Variants in DNAH9 observed in about 807,000 individuals in gnomAD.
DNAH9 encodes DNAH9 variant protein.
In DNAH9, 345 loss-of-function variants were observed where a neutral mutation model predicts 471.6. The ratio of observed to expected loss-of-function variants is 0.73; its 90% CI spans 0.67 to 0.80. The LOEUF is 0.80. Among genes scored for constraint, DNAH9 ranks in the 30% least tolerant of loss-of-function variants. The pLI, the probability that DNAH9 is intolerant of heterozygous loss-of-function variation, is 0.00. For missense variants in DNAH9, 5,407 were observed against 5,609.2 expected (o/e 0.96, Z 1.15); for synonymous variants, 2,093 against 2,123.6 (o/e 0.99, Z 0.40).
intron 61 of DNAH9, among the ~76,000 whole-genome samples, chr17:11,915,821 T>C (rs1973935164): frequency 1.3e-5 from 2 of 152,262 alleles, no homozygotes; most frequent in Non-Finnish European, 2.9e-5. Flanking sequence ...CAGCACTCTA[T>C]GTATTTGCTT....
chr17:11,652,446 C>T (rs371813247), intron 13 of DNAH9, among the ~76,000 whole-genome samples: 2 of 151,728 alleles, frequency 1.3e-5, no homozygotes, highest in Non-Finnish European at 2.9e-5. Flanking sequence ...CCACCCCACC[C>T]AGCTAATTTT....
At chr17:11,902,380 T>C (rs1184178839) in intron 59 of DNAH9, among the ~76,000 whole-genome samples, 1 of 152,156 alleles carries the variant, frequency 6.6e-6, no homozygotes, top group African/African-American at 2.4e-5. Context: ...TCACTAACTT[T>C]AGGTGTCCAA....
chr17:11,843,360 T>G (rs1337732638), intron 49 of DNAH9, among the ~76,000 whole-genome samples: 8 of 152,108 alleles, frequency 5.3e-5, no homozygotes, highest in Admixed American at 5.2e-4. Context: ...AAAATATATT[T>G]TCAAAATAAC....
chr17:11,853,927 A>C, intron 49 of DNAH9, 76 bp from the exon 50 acceptor site: 1 of 1,437,120 alleles, frequency 7.0e-7, no homozygotes, highest in Non-Finnish European at 9.5e-7. Context: ...ATCGCTCCAC[A>C]ACCTAACTCC....
At chr17:11,900,250 T>C (rs1222806818) in intron 59 of DNAH9, among the ~76,000 whole-genome samples, 1 of 152,120 alleles carries the variant, frequency 6.6e-6, no homozygotes, top group Non-Finnish European at 1.5e-5. Context: ...TGAAGGATGA[T>C]TCCCTGCTGT....
chr17:11,962,011 G>A lies in DNAH9; in HGVS notation c.12988G>A (p.Glu4330Lys). Residue 4330 changes from glutamate (E) to lysine (K), a missense_variant, in exon 68 of 69, where the codon GAG becomes AAG. By Grantham distance (56) the Glu-to-Lys change is moderately conservative. Around this residue, in one of 3 missense-constraint regions of DNAH9, gnomAD observed 4,636 missense variants for 4,900.3 expected, o/e 0.95. Transcript: ENST00000262442. The surrounding 1 kb of genome is among the most constrained non-coding windows in gnomAD (Gnocchi z 4.1). ...TCCAGACCTCCTCAACAGAATCAAG[G>A]AGCTAGAGGCTTGGACGGGTGACTT... ...WFPDLLNRIK[E>K]LEAWTGDFTM... The A allele has an allele frequency of 6.2e-7, 1 of 1,614,162 alleles. No individual in the cohort carries two copies. Among genetic ancestry groups the A allele is most frequent in the Non-Finnish European group, 8.5e-7 (1 of 1,180,030 alleles).
chr17:11,683,264 C>G (rs1214993567), intron 19 of DNAH9, among the ~76,000 whole-genome samples: 1 of 152,210 alleles, frequency 6.6e-6, no homozygotes, highest in African/African-American at 2.4e-5. Flanking sequence ...ACCTCCGCCT[C>G]CTGGATTCAA....
chr17:11,655,647 G>GACAC (rs377732008), intron 14 of DNAH9, among the ~76,000 whole-genome samples: 1 of 145,288 alleles, frequency 6.9e-6, no homozygotes, highest in Admixed American at 7.0e-5. Flanking sequence ...TATATACATA[G>GACAC]ACACACACAC....
chr17:11,792,460 A>G (rs149130111), intron 41 of DNAH9, among the ~76,000 whole-genome samples: 1 of 152,360 alleles, frequency 6.6e-6, no homozygotes, highest in African/African-American at 2.4e-5. Flanking sequence ...GCTTGAACTT[A>G]GAGAATTTGT....
rs754016748 is a variant in DNAH9 at position 11,669,714 on chromosome 17, C to T, written c.3273C>T (p.Pro1091=). ...GCTGGATGAAAATTGATATTCGACC[C>T]TTTAAGGCATCTCTGCTGAATATTA... The part of the protein sequence containing the change: ...FDGWMKIDIR[P]FKASLLNIIK... Residue 1091 remains proline (P), a synonymous_variant, in exon 17 of 69, where the codon CCC becomes CCT. Transcript: ENST00000262442. The T allele has an allele frequency of 3.1e-6, 5 of 1,614,030 alleles. No individual in the cohort carries two copies. The highest frequency in any genetic ancestry group is 2.7e-5 in the African/African-American group (2 of 74,918).
At chr17:11,851,712 C>T (rs917825317) in intron 49 of DNAH9, among the ~76,000 whole-genome samples, 3 of 152,156 alleles carry the variant, frequency 2.0e-5, no homozygotes, top group Non-Finnish European at 4.4e-5. Context: ...TGGGATTCCA[C>T]TCATCATACT....
At chr17:11,861,843 A>G (rs1430975561) in intron 50 of DNAH9, among the ~76,000 whole-genome samples, 1 of 150,988 alleles carries the variant, frequency 6.6e-6, no homozygotes, top group Admixed American at 6.6e-5. Context: ...GTGTCTGTTC[A>G]TGTCCTTTGC....
chr17:11,610,961 GA>G (rs1315949277), intron 3 of DNAH9, among the ~76,000 whole-genome samples: 3 of 152,166 alleles, frequency 2.0e-5, no homozygotes, highest in Non-Finnish European at 4.4e-5. Context: ...GTTGGCTGCA[GA>G]ACAGCCTTTC....
chr17:11,952,588 AT>A (rs1332146638), intron 67 of DNAH9, among the ~76,000 whole-genome samples: 1 of 152,164 alleles, frequency 6.6e-6, no homozygotes, highest in African/African-American at 2.4e-5. Flanking sequence ...GCCAAGGACA[AT>A]GGATAAGGAT....
chr17:11,798,459 G>C (rs28375364), intron 43 of DNAH9, among the ~76,000 whole-genome samples: 1 of 124,740 alleles, frequency 8.0e-6, no homozygotes, highest in Non-Finnish European at 1.7e-5. Flanking sequence ...AAAAAAAAAA[G>C]AGAGAGAGAG....
chr17:11,657,774 C>T (rs2073680590), intron 14 of DNAH9, among the ~76,000 whole-genome samples: 1 of 151,700 alleles, frequency 6.6e-6, no homozygotes, highest in Admixed American at 6.6e-5. Context: ...CTGATTGTTC[C>T]CATACTATTA....
chr17:11,813,734 C>T (rs114544689), intron 45 of DNAH9, among the ~76,000 whole-genome samples: 3,352 of 152,248 alleles, frequency 0.022, 134 homozygotes, highest in African/African-American at 0.077. Flanking sequence ...TTCCTGACAC[C>T]ATTTCTAAAA....
At chr17:11,884,950 C>A (rs1972834527) in intron 56 of DNAH9, among the ~76,000 whole-genome samples, 1 of 152,010 alleles carries the variant, frequency 6.6e-6, no homozygotes, top group African/African-American at 2.4e-5. Flanking sequence ...TCTTTAAAAT[C>A]AATGAACACT....
intron 50 of DNAH9, among the ~76,000 whole-genome samples, chr17:11,864,166 T>G (rs1322152791): frequency 8.3e-4 from 115 of 138,486 alleles, no homozygotes; most frequent in Admixed American, 1.3e-3. Flanking sequence ...TTTAGTGCTA[T>G]AAATTTCCCT....
Sources: allele counts gnomAD v4.1 joint callset (sites outside exome capture counted in the v4.1 genomes callset), GRCh38; gene constraint gnomAD v4.1.1; regional missense constraint gnomAD v4.1.1; non-coding constraint Gnocchi (gnomAD v3.1); transcripts MANE v1.5; gene names NCBI Gene and HGNC (gene_info 2026-07-23, HGNC 2026-07-21).